The following NKAIN2 variants were observed in gnomAD, a reference collection of about 807,000 sequenced individuals.
The protein encoded by NKAIN2 is sodium/potassium transporting ATPase interacting 2.
A neutral mutation model predicts 32.6 loss-of-function variants in NKAIN2; 14 were observed. That is an observed-to-expected ratio of 0.43 (90% CI 0.28 to 0.67). The LOEUF (loss-of-function observed/expected upper bound fraction) is 0.67, where lower values mean the gene tolerates loss of function less well. Ranked by LOEUF, NKAIN2 falls within the 30% of genes least tolerant of loss-of-function variation. The pLI is 0.17. For missense variants in NKAIN2, 198 were observed against 258.3 expected, an observed-to-expected ratio of 0.77 and a Z score of 1.60; for synonymous variants, 80 against 87.2, an observed-to-expected ratio of 0.92 and a Z score of 0.46.
chr6:124,443,423 A>T (rs925888792), intron 3 of NKAIN2, among the ~76,000 whole-genome samples: 3 of 152,172 alleles, frequency 2.0e-5, no homozygotes, highest in African/African-American at 7.2e-5. Flanking sequence ...ACTGTTTCTG[A>T]TCGCATATGA....
chr6:124,813,693 C>A (rs1387412696), intron 5 of NKAIN2, among the ~76,000 whole-genome samples: 1 of 152,092 alleles, frequency 6.6e-6, no homozygotes, highest in Non-Finnish European at 1.5e-5. Context: ...ATTATTCCTA[C>A]CAATCTCAAA....
At chr6:124,797,021 C>A (rs192580253) in intron 5 of NKAIN2, among the ~76,000 whole-genome samples, 2 of 152,180 alleles carry the variant, frequency 1.3e-5, no homozygotes, top group East Asian at 3.9e-4. Context: ...TTCTGTCTCA[C>A]TTCATCCTCG....
intron 1 of NKAIN2, among the ~76,000 whole-genome samples, chr6:123,988,590 T>C (rs1422102274): frequency 1.3e-5 from 2 of 152,200 alleles, no homozygotes; most frequent in Non-Finnish European, 2.9e-5. Context: ...TTGACTGCTA[T>C]CTTAATAATT....
chr6:124,795,388 G>A lies in NKAIN2; in HGVS notation c.535+3989G>A, dbSNP rs538051288. On this transcript the variant is annotated intron_variant, in intron 5 of 6. Transcript: ENST00000368417. ...CCAGGAAGCAATGGAGAGGGTTTGA[G>A]CTCAATGAGCAAAGACTCAAGCCTA... Among the ~76,000 whole-genome samples, 21 of 152,226 alleles carry A rather than the reference G, an allele frequency of 1.4e-4. No individual in the cohort carries two copies. The South Asian group carries it at 4.4e-3, about 32-fold the overall frequency.
Position 124,310,547 on chromosome 6 carries a change from G to A in NKAIN2, c.192+27405G>A, listed in dbSNP as rs150551648. ...TCCCTGGGTTGTGATTTGTTAGGAT[G>A]AACTAAAAAATATTACTGTCCCTTG... On this transcript the variant is annotated intron_variant, in intron 2 of 6. Transcript: ENST00000368417. 3.5e-3 allele frequency among the ~76,000 whole-genome samples: 528 copies of A among 152,098 alleles called. 7 individuals carry two copies. Among genetic ancestry groups the A allele is most frequent in the Admixed American group, 0.027 (408 of 15,246 alleles).
chr6:124,051,940 T>C (rs1389918220), intron 1 of NKAIN2, among the ~76,000 whole-genome samples: 5 of 152,000 alleles, frequency 3.3e-5, no homozygotes, highest in African/African-American at 1.2e-4. Context: ...AAAAGTGCCA[T>C]GTGACAATTA....
At chr6:124,715,856 A>G (rs921626812) in intron 4 of NKAIN2, among the ~76,000 whole-genome samples, 1 of 152,188 alleles carries the variant, frequency 6.6e-6, no homozygotes, top group South Asian at 2.1e-4. Flanking sequence ...CTCTAGTGCC[A>G]TTTTTTGGCT....
intron 5 of NKAIN2, among the ~76,000 whole-genome samples, chr6:124,811,364 TTACAA>T (rs1780898207): frequency 6.6e-6 from 1 of 152,166 alleles, no homozygotes; most frequent in Non-Finnish European, 1.5e-5. Context: ...CAATTTTATA[TTACAA>T]TACCTCATTG....
intron 1 of NKAIN2, among the ~76,000 whole-genome samples, chr6:123,805,532 T>G (rs1773179455): frequency 1.3e-5 from 2 of 152,224 alleles, no homozygotes; most frequent in Non-Finnish European, 2.9e-5. Flanking sequence ...GCTTATGCAC[T>G]TGGTTGTAAG....
intron 1 of NKAIN2, among the ~76,000 whole-genome samples, chr6:124,101,456 A>T (rs1784884394): frequency 6.6e-6 from 1 of 152,222 alleles, no homozygotes; most frequent in Non-Finnish European, 1.5e-5. Flanking sequence ...ACATCTAATT[A>T]GCTAGATCAT....
At chr6:124,512,878 G>A (rs1778767579) in intron 3 of NKAIN2, among the ~76,000 whole-genome samples, 1 of 152,038 alleles carries the variant, frequency 6.6e-6, no homozygotes, top group African/African-American at 2.4e-5. Flanking sequence ...GCAGAAAAAT[G>A]GTAGTTCCAG....
chr6:124,715,588 A>T (rs758683165), intron 4 of NKAIN2, among the ~76,000 whole-genome samples: 1 of 152,204 alleles, frequency 6.6e-6, no homozygotes, highest in Non-Finnish European at 1.5e-5. Context: ...GCAGCCAGCA[A>T]TATCACCAGG....
chr6:123,987,330 G>A (rs1779186085), intron 1 of NKAIN2, among the ~76,000 whole-genome samples: 1 of 152,120 alleles, frequency 6.6e-6, no homozygotes, highest in East Asian at 1.9e-4. Context: ...TTGAAAAGGT[G>A]AACAGTTGGA....
At chr6:124,096,035 C>T (rs1352501924) in intron 1 of NKAIN2, among the ~76,000 whole-genome samples, 1 of 152,178 alleles carries the variant, frequency 6.6e-6, no homozygotes, top group East Asian at 1.9e-4. Context: ...GAAAACAAAA[C>T]TGTAGGAAAA....
chr6:123,961,393 A>T (rs1047683181), intron 1 of NKAIN2, among the ~76,000 whole-genome samples: 7 of 152,182 alleles, frequency 4.6e-5, no homozygotes, highest in Admixed American at 1.3e-4. Flanking sequence ...CTTTAGAAAA[A>T]ATGTGAACAA....
chr6:124,283,222 G>C (rs1172049028), intron 2 of NKAIN2, 80 bp downstream of exon 2: 14 of 937,360 alleles, frequency 1.5e-5, no homozygotes, highest in Non-Finnish European at 2.4e-5. Context: ...GAAAACTTAT[G>C]TGTATAATCT....
intron 2 of NKAIN2, among the ~76,000 whole-genome samples, chr6:124,284,959 T>C (rs1189457624): frequency 6.6e-6 from 1 of 152,156 alleles, no homozygotes. Context: ...CTCATCCTTT[T>C]GAATAAAGAC....
chr6:124,093,988 G>A (rs998351851), intron 1 of NKAIN2, among the ~76,000 whole-genome samples: 26 of 152,134 alleles, frequency 1.7e-4, no homozygotes, highest in African/African-American at 5.3e-4. Flanking sequence ...GGCAGGCAAG[G>A]CATTTGATAT....
intron 2 of NKAIN2, among the ~76,000 whole-genome samples, chr6:124,347,171 C>A (rs1335641796): frequency 1.3e-5 from 2 of 152,224 alleles, no homozygotes; most frequent in Non-Finnish European, 2.9e-5. Context: ...CCCCCACTCT[C>A]TTCTGGCTTG....
Sources: gnomAD v4.1 joint callset for allele counts (sites outside exome capture counted in the v4.1 genomes callset) on GRCh38, gnomAD v4.1.1 for gene constraint, MANE v1.5 for transcripts, NCBI Gene and HGNC (gene_info 2026-07-23, HGNC 2026-07-21) for gene names.